Variants in MCC observed in about 807,000 individuals in gnomAD.
MCC encodes the protein MCC regulator of Wnt signaling pathway.
Under a neutral mutation model 116.2 loss-of-function variants are expected in MCC, and 90 were observed. The observed-to-expected ratio is 0.77, with a 90% CI of 0.65 to 0.92. The LOEUF is 0.92. MCC is among the 40% of genes least tolerant of loss of function. The pLI, the probability that MCC is intolerant of heterozygous loss-of-function variation, is 0.00. For missense variants in MCC, 1,516 were observed against 1,312.2 expected (o/e 1.16, Z -2.40); for synonymous variants, 578 against 510.5 (o/e 1.13, Z -1.78).
intron 13 of MCC, among the ~76,000 whole-genome samples, chr5:113,067,414 T>C (rs137940709): frequency 0.021 from 3,175 of 152,222 alleles, 103 homozygotes; most frequent in African/African-American, 0.072. Context: ...TTGAGGCAGG[T>C]GGATCACCTG....
At chr5:113,122,920 A>G in intron 5 of MCC, 94 bp from the exon 6 acceptor site, 1 of 1,320,836 alleles carries the variant, frequency 7.6e-7, no homozygotes, top group Non-Finnish European at 1.1e-6. Context: ...AGACATTGAG[A>G]GAGAAAACAG....
chr5:113,205,101 T>A (rs566294013), intron 3 of MCC, among the ~76,000 whole-genome samples: 1 of 152,188 alleles, frequency 6.6e-6, no homozygotes, highest in South Asian at 2.1e-4. Context: ...TCTCAGTTTT[T>A]TCCTCCTTTC....
At chr5:113,325,612 A>G (rs567418426) in intron 3 of MCC, among the ~76,000 whole-genome samples, 1 of 150,484 alleles carries the variant, frequency 6.6e-6, no homozygotes, top group East Asian at 2.0e-4. Flanking sequence ...CTCGGTGGTA[A>G]TCTTGACTAC....
At chr5:113,356,222 A>C (rs1768408667) in intron 2 of MCC, among the ~76,000 whole-genome samples, 1 of 151,490 alleles carries the variant, frequency 6.6e-6, no homozygotes, top group African/African-American at 2.4e-5. Flanking sequence ...TTTTTTATAG[A>C]GACTGGGTCT....
At chr5:113,132,353 T>C (rs1404780663) in intron 5 of MCC, among the ~76,000 whole-genome samples, 1 of 147,064 alleles carries the variant, frequency 6.8e-6, no homozygotes, top group Non-Finnish European at 1.5e-5. Flanking sequence ...AAAAGAAAAG[T>C]GCATATGTGT....
At chr5:113,211,780 C>T (rs559947221) in intron 3 of MCC, among the ~76,000 whole-genome samples, 1 of 152,256 alleles carries the variant, frequency 6.6e-6, no homozygotes, top group African/African-American at 2.4e-5. Flanking sequence ...TAAAAATAAA[C>T]AAATTGGCTT....
At chr5:113,437,141 T>C (rs1399091537) in intron 1 of MCC, 5 of 152,174 alleles carry the variant, frequency 3.3e-5, no homozygotes, top group African/African-American at 4.8e-5. Context: ...TCCAATGTTA[T>C]GTTTACTCTT....
intron 1 of MCC, among the ~76,000 whole-genome samples, chr5:113,398,470 C>T (rs946757107): frequency 6.6e-6 from 1 of 152,134 alleles, no homozygotes; most frequent in African/African-American, 2.4e-5. Context: ...AGAAAATGCA[C>T]ATATATACCA....
intron 11 of MCC, among the ~76,000 whole-genome samples, chr5:113,072,762 T>C (rs1203254093): frequency 1.3e-5 from 2 of 152,226 alleles, no homozygotes; most frequent in Admixed American, 1.3e-4. Flanking sequence ...TCCAGTCCCA[T>C]GATGTTATTA....
Position 113,434,254 on chromosome 5 carries a change from C to T in MCC, c.171-49042G>A, listed in dbSNP as rs201922356. Reference sequence around the variant, plus strand: ...ACGCCTAGGCTCCAGATGTCGTACACCTTGGGCTGGTAGGGAATGCCCTGC... The same window carrying T: ...ACGCCTAGGCTCCAGATGTCGTACATCTTGGGCTGGTAGGGAATGCCCTGC... On this transcript the variant is annotated intron_variant, in intron 1 of 18. Coordinates refer to ENST00000408903, the MANE Select transcript of MCC (RefSeq NM_001085377.2). This position sits in a 1 kb window ranked among gnomAD's most constrained non-coding sequence, Gnocchi z 4.2. 50 of 1,614,138 alleles carry T rather than the reference C, an allele frequency of 3.1e-5. 1 individual carries two copies. In the African/African-American group the frequency reaches 5.6e-4, roughly 18 times the overall value.
At chr5:113,210,191 A>C (rs1213055513) in intron 3 of MCC, among the ~76,000 whole-genome samples, 1 of 148,954 alleles carries the variant, frequency 6.7e-6, no homozygotes, top group Non-Finnish European at 1.5e-5. Context: ...TTAAACCCTC[A>C]ACAGTACAAC....
intron 3 of MCC, among the ~76,000 whole-genome samples, chr5:113,226,100 C>T (rs114122894): frequency 0.017 from 2,601 of 152,338 alleles, 81 homozygotes; most frequent in African/African-American, 0.058. Flanking sequence ...TGCTTGAACC[C>T]GCAAGGCGAA....
intron 1 of MCC, among the ~76,000 whole-genome samples, chr5:113,408,402 T>C (rs10213689): frequency 0.018 from 2,691 of 152,260 alleles, 33 homozygotes; most frequent in Non-Finnish European, 0.022. Flanking sequence ...ATCTTTTTCT[T>C]GGAGATACAA....
intron 3 of MCC, among the ~76,000 whole-genome samples, chr5:113,284,921 T>G (rs909257156): frequency 6.6e-6 from 1 of 152,180 alleles, no homozygotes; most frequent in Non-Finnish European, 1.5e-5. Flanking sequence ...TGGAAGGCAG[T>G]TTTCAATTTT....
intron 3 of MCC, among the ~76,000 whole-genome samples, chr5:113,263,651 G>A (rs1581336657): frequency 1.3e-5 from 2 of 152,288 alleles, no homozygotes; most frequent in African/African-American, 4.8e-5. Context: ...ACTCTGAAAA[G>A]TAAAAGCTAT....
intron 3 of MCC, among the ~76,000 whole-genome samples, chr5:113,152,233 C>T (rs538753834): frequency 2.2e-4 from 34 of 152,344 alleles, no homozygotes; most frequent in African/African-American, 8.2e-4. Context: ...GTTCAACTTC[C>T]AAGTTCTAAA....
chr5:113,196,140 G>C (rs188873922), intron 3 of MCC, among the ~76,000 whole-genome samples: 3 of 152,302 alleles, frequency 2.0e-5, no homozygotes. Flanking sequence ...ACTTCTATTG[G>C]TGATATACCT....
At chr5:113,036,012 C>CTTTTTTTTTT (rs771378295) in intron 17 of MCC, among the ~76,000 whole-genome samples, 2 of 62,942 alleles carry the variant, frequency 3.2e-5, no homozygotes, top group African/African-American at 1.3e-4. Context: ...GGATGAGGAA[C>CTTTTTTTTTT]TTTTTTTTTT....
chr5:113,185,303 C>G (rs903833802), intron 3 of MCC, among the ~76,000 whole-genome samples: 3 of 152,228 alleles, frequency 2.0e-5, no homozygotes, highest in African/African-American at 4.8e-5. Flanking sequence ...TAACAAGACA[C>G]AAGCCCTAGA....
Sources: gnomAD v4.1 joint callset for allele counts (sites outside exome capture counted in the v4.1 genomes callset) on GRCh38, gnomAD v4.1.1 for gene constraint, Gnocchi (gnomAD v3.1) non-coding constraint, MANE v1.5 for transcripts, NCBI Gene and HGNC (gene_info 2026-07-23, HGNC 2026-07-21) for gene names.